The following TMEM51 variants were observed in gnomAD, a reference collection of about 807,000 sequenced individuals.
TMEM51 encodes transmembrane protein 51, also known as chromosome 1 open reading frame 72.
A neutral mutation model predicts 13.6 loss-of-function variants in TMEM51; 8 were observed. The ratio of observed to expected loss-of-function variants is 0.59; its 90% CI spans 0.35 to 1.07. TMEM51 has a LOEUF of 1.07. Among genes scored for constraint, TMEM51 ranks in the 50% least tolerant of loss-of-function variants. The pLI is 0.02. For synonymous variants in TMEM51, 147 were observed against 144.4 expected, an observed-to-expected ratio of 1.02 and a Z score of -0.13; for missense variants, 279 against 330.7, an observed-to-expected ratio of 0.84 and a Z score of 1.21.
chr1:15,173,604 A>C (rs1209359071), intron 1 of TMEM51, among the ~76,000 whole-genome samples: 2 of 151,900 alleles, frequency 1.3e-5, no homozygotes, highest in Non-Finnish European at 2.9e-5. Flanking sequence ...GTCTCAGTTC[A>C]TATTCCAGGC....
At chr1:15,194,136 T>C (rs1457566936) in intron 1 of TMEM51, among the ~76,000 whole-genome samples, 1 of 152,256 alleles carries the variant, frequency 6.6e-6, no homozygotes, top group Non-Finnish European at 1.5e-5. Flanking sequence ...GTTTACCTCC[T>C]GCAGCCACAC....
chr1:15,159,700 G>A (rs559362407), intron 1 of TMEM51, among the ~76,000 whole-genome samples: 1 of 152,302 alleles, frequency 6.6e-6, no homozygotes, highest in African/African-American at 2.4e-5. Context: ...GGGACTACAG[G>A]CATGCGCCAC....
intron 2 of TMEM51, among the ~76,000 whole-genome samples, chr1:15,212,099 C>A (rs1009675123): frequency 6.6e-6 from 1 of 152,154 alleles, no homozygotes; most frequent in East Asian, 1.9e-4. Context: ...GAAGTAATTT[C>A]TAGCTTCTCA....
chr1:15,176,762 G>C (rs1433242986), intron 1 of TMEM51, among the ~76,000 whole-genome samples: 1 of 152,216 alleles, frequency 6.6e-6, no homozygotes, highest in East Asian at 1.9e-4. Flanking sequence ...GGGGAGCTGG[G>C]GCTTTATCCT....
chr1:15,209,335 G>A (rs903296376), intron 1 of TMEM51, among the ~76,000 whole-genome samples: 2 of 151,748 alleles, frequency 1.3e-5, no homozygotes, highest in African/African-American at 4.8e-5. Context: ...GAGCTCAAGC[G>A]ATCCTCCCAC....
intron 1 of TMEM51, among the ~76,000 whole-genome samples, chr1:15,165,046 C>A (rs1642944914): frequency 6.6e-6 from 1 of 152,144 alleles, no homozygotes; most frequent in South Asian, 2.1e-4. Context: ...TGTGATCCGC[C>A]CACCTCGACC....
intron 1 of TMEM51, among the ~76,000 whole-genome samples, chr1:15,194,425 G>A (rs546404945): frequency 3.3e-5 from 5 of 152,198 alleles, no homozygotes; most frequent in Non-Finnish European, 5.9e-5. Context: ...GCTCAGCCCC[G>A]CATTGTCCAT....
rs900696480 is a variant in TMEM51, at chr1:15,161,053, C to T, written c.-267+7099C>T. On this transcript the variant is annotated intron_variant, in intron 1 of 3. Transcript: ENST00000376008. The surrounding 1 kb of genome is among the most constrained non-coding windows in gnomAD (Gnocchi z 4.0). ...CGGGGAGGGCAGGTGCAGCCGCCAC[C>T]GCCAAAGGTCTTCCTGGTGGAGGCA... Among the ~76,000 whole-genome samples the T allele has an allele frequency of 1.3e-5, 2 of 152,022 alleles. No individual in the cohort carries two copies. The highest frequency in any genetic ancestry group is 2.4e-5 in the African/African-American group (1 of 41,288).
At chr1:15,171,063 G>A (rs1643252446) in intron 1 of TMEM51, 1 of 853,904 alleles carries the variant, frequency 1.2e-6, no homozygotes, top group Non-Finnish European at 1.6e-6. Flanking sequence ...TGGGGTGGGG[G>A]GCTTGTTAAA....
chr1:15,191,912 C>T (rs1643929532), intron 1 of TMEM51: 1 of 529,002 alleles, frequency 1.9e-6, no homozygotes. Flanking sequence ...TGTTTGTTCT[C>T]CTTTTCCAGA....
At chr1:15,193,001 G>A (rs1643963522) in intron 1 of TMEM51, among the ~76,000 whole-genome samples, 1 of 152,210 alleles carries the variant, frequency 6.6e-6, no homozygotes. Context: ...GGGCCCACAG[G>A]AGGGTCCCAG....
chr1:15,179,613 T>A (rs560419757), intron 1 of TMEM51, among the ~76,000 whole-genome samples: 2 of 151,940 alleles, frequency 1.3e-5, no homozygotes, highest in East Asian at 3.8e-4. Context: ...CAAAACCCTG[T>A]CTCTACAAAA....
rs1339232275 is a variant in TMEM51 at position 15,207,084 on chromosome 1, T to A, written c.-266-3406T>A. Reference sequence around the variant, plus strand: ...GGCAGAGAGAGCCCCACTGAATTCCTCCTTTGTGATGTGAATGTGGCACAG... The same window carrying A: ...GGCAGAGAGAGCCCCACTGAATTCCACCTTTGTGATGTGAATGTGGCACAG... On this transcript the variant is annotated intron_variant, in intron 1 of 3. Transcript: ENST00000376008. The surrounding 1 kb of genome is among the most constrained non-coding windows in gnomAD (Gnocchi z 4.6). 6.6e-6 allele frequency among the ~76,000 whole-genome samples: 1 copy of A among 152,174 alleles called. No homozygotes were observed. The highest frequency in any genetic ancestry group is 1.5e-5 in the Non-Finnish European group (1 of 68,032).
chr1:15,179,144 TG>T (rs34498370), intron 1 of TMEM51, among the ~76,000 whole-genome samples: 32,136 of 152,048 alleles, frequency 0.21, 3,491 homozygotes, highest in East Asian at 0.32. Context: ...GCACCCCAAC[TG>T]GGCAGCTGTG....
intron 1 of TMEM51, among the ~76,000 whole-genome samples, chr1:15,194,176 T>C (rs1643998666): frequency 6.6e-6 from 1 of 152,202 alleles, no homozygotes; most frequent in Non-Finnish European, 1.5e-5. Flanking sequence ...TCAAGGCCCA[T>C]ATATAATTTT....
intron 1 of TMEM51, among the ~76,000 whole-genome samples, chr1:15,154,888 GGGTGGGCGGGGACGA>G (rs1214886440): frequency 6.6e-6 from 1 of 152,062 alleles, no homozygotes; most frequent in Non-Finnish European, 1.5e-5. Context: ...TGCCGGAGTG[GGGTGGGCGGGGACGA>G]GGTGGGCGGG....
In TMEM51 at chr1:15,215,211, A is replaced by G; in HGVS notation, c.124A>G (p.Lys42Glu). The change falls in exon 3 of 4, where the codon AAG becomes GAG. Residue 42 changes from lysine (K) to glutamate (E), a missense_variant. Lys to Glu is a moderately conservative substitution (Grantham distance 56). Transcript: ENST00000376008. ...NLVPGFSAAE[K>E]PTAQGSNKTE... Reference sequence around the variant, plus strand: ...GGTACCCGGCTTCAGCGCGGCCGAGAAGCCAACAGCTCAGGGCAGCAACAA... The same window carrying G: ...GGTACCCGGCTTCAGCGCGGCCGAGGAGCCAACAGCTCAGGGCAGCAACAA... 1 of 1,614,152 alleles carries G rather than the reference A, an allele frequency of 6.2e-7. No homozygotes were observed. The highest frequency in any genetic ancestry group is 8.5e-7 in the Non-Finnish European group (1 of 1,180,020).
rs771541842 is a variant in TMEM51 at position 15,219,674 on chromosome 1, G to A, written c.693G>A (p.Glu231=). ...AAAACGTCCCTCCTCCCTCGATAGA[G>A]CCTTTGACTCCTCCACCGCAGTATG... ...PDKNVPPPSI[E]PLTPPPQYDE... The change falls in exon 4 of 4, where the codon GAG becomes GAA. Residue 231 remains glutamate, a synonymous_variant. Transcript: ENST00000376008. 12 of 1,613,812 alleles carry A rather than the reference G, an allele frequency of 7.4e-6. No individual in the cohort carries two copies. The highest frequency in any genetic ancestry group is 1.3e-5 in the African/African-American group (1 of 74,932).
At chr1:15,200,450 A>T (rs1316142571) in intron 1 of TMEM51, among the ~76,000 whole-genome samples, 2 of 150,158 alleles carry the variant, frequency 1.3e-5, no homozygotes, top group African/African-American at 4.9e-5. Flanking sequence ...ATTAGGACAG[A>T]GACACACACG....
Sources: gnomAD v4.1 joint callset for allele counts (sites outside exome capture counted in the v4.1 genomes callset) on GRCh38, gnomAD v4.1.1 for gene constraint, Gnocchi (gnomAD v3.1) non-coding constraint, MANE v1.5 for transcripts, NCBI Gene and HGNC (gene_info 2026-07-23, HGNC 2026-07-21) for gene names.